KCNMA1: variants seen among roughly 807,000 people sequenced by gnomAD.
The protein encoded by KCNMA1 is Calcium-activated potassium channel subunit alpha-1.
In KCNMA1, 29 loss-of-function variants were observed where a neutral mutation model predicts 140.0. The observed-to-expected ratio is 0.21, with a 90% CI of 0.15 to 0.28. KCNMA1 has a LOEUF of 0.28. Ranked by LOEUF, KCNMA1 falls within the 10% of genes least tolerant of loss-of-function variation. The probability of loss-of-function intolerance (pLI) is 1.00; values close to 1 mark genes in which losing one functional copy is unlikely to be tolerated. For missense variants in KCNMA1, 880 were observed against 1,602.2 expected (o/e 0.55, Z 7.70); for synonymous variants, 612 against 611.9 (o/e 1.00, Z 0.00).
intron 5 of KCNMA1, among the ~76,000 whole-genome samples, chr10:77,142,402 A>G (rs1254269083): frequency 6.6e-6 from 1 of 151,912 alleles, no homozygotes. Context: ...AGAAAAAAAG[A>G]AAACAAAAAA....
At position 77,468,750 on chromosome 10, in the gene KCNMA1, C is replaced by A. The variant is rs545049445; in HGVS notation, c.379-64727G>T. 8.3e-4 allele frequency among the ~76,000 whole-genome samples: 126 copies of A among 152,170 alleles called. 5 individuals carry two copies. In the South Asian group the frequency reaches 9.7e-3, roughly 12 times the overall value. On this transcript the variant is annotated intron_variant, in intron 1 of 27. Coordinates refer to ENST00000286628, the MANE Select transcript of KCNMA1 (RefSeq NM_001161352.2). ...TAGTACTTTGTCACAGCAGGCCTAG[C>A]AAACTAATACAGTGCCTCCCTTTCC...
At chr10:77,066,703 T>A (rs547662169) in intron 14 of KCNMA1, among the ~76,000 whole-genome samples, 9 of 152,334 alleles carry the variant, frequency 5.9e-5, no homozygotes, top group African/African-American at 2.2e-4. Context: ...GTGAGGAATA[T>A]GTGCAGAAGT....
intron 2 of KCNMA1, among the ~76,000 whole-genome samples, chr10:77,361,024 C>G (rs1436609047): frequency 6.6e-6 from 1 of 152,174 alleles, no homozygotes; most frequent in Non-Finnish European, 1.5e-5. Flanking sequence ...GCTTAGTCAT[C>G]AAGACATGGG....
At chr10:77,139,052 G>T (rs899172329) in intron 5 of KCNMA1, among the ~76,000 whole-genome samples, 2 of 152,160 alleles carry the variant, frequency 1.3e-5, no homozygotes, top group South Asian at 4.1e-4. Context: ...TCACTCACTG[G>T]CTCACTACCA....
chr10:77,270,268 G>C (rs1484778845), intron 2 of KCNMA1, among the ~76,000 whole-genome samples: 3 of 152,158 alleles, frequency 2.0e-5, no homozygotes, highest in Non-Finnish European at 4.4e-5. Context: ...TGGGGGTTGT[G>C]TTCATGTATG....
intron 2 of KCNMA1, among the ~76,000 whole-genome samples, chr10:77,328,905 A>G (rs1333459670): frequency 2.6e-5 from 4 of 151,974 alleles, no homozygotes; most frequent in Non-Finnish European, 5.9e-5. Context: ...CAGTGGCATG[A>G]TCTCGGCTCA....
At chr10:77,480,865 T>C (rs1461476116) in intron 1 of KCNMA1, among the ~76,000 whole-genome samples, 2 of 151,758 alleles carry the variant, frequency 1.3e-5, no homozygotes, top group African/African-American at 2.4e-5. Flanking sequence ...ATCCCAGCAC[T>C]TTGGGAGGCG....
At chr10:76,907,237 T>C (rs188280463) in intron 25 of KCNMA1, among the ~76,000 whole-genome samples, 6 of 152,330 alleles carry the variant, frequency 3.9e-5, no homozygotes, top group Admixed American at 3.9e-4. Context: ...AACATTTTTG[T>C]GTGCATTTCA....
chr10:77,117,845 G>A (rs1025525765), intron 6 of KCNMA1, among the ~76,000 whole-genome samples: 11 of 152,168 alleles, frequency 7.2e-5, no homozygotes, highest in Non-Finnish European at 1.6e-4. Context: ...GCCGTTTCAG[G>A]CTATGGAGTA....
intron 1 of KCNMA1, among the ~76,000 whole-genome samples, chr10:77,535,442 G>A (rs1457292914): frequency 1.3e-5 from 2 of 152,230 alleles, no homozygotes; most frequent in Admixed American, 6.5e-5. Context: ...TACACTGTTG[G>A]TGGGAATGTA....
chr10:77,375,133 A>G (rs954659559), intron 2 of KCNMA1, among the ~76,000 whole-genome samples: 2 of 152,188 alleles, frequency 1.3e-5, no homozygotes, highest in Non-Finnish European at 2.9e-5. Context: ...GTCACAGAAA[A>G]GGCATGGAGC....
chr10:77,155,066 G>A (rs758630343), intron 5 of KCNMA1, among the ~76,000 whole-genome samples: 5 of 152,182 alleles, frequency 3.3e-5, no homozygotes, highest in African/African-American at 1.2e-4. Flanking sequence ...AGAAGCCTGG[G>A]GGGTGCAGGA....
intron 2 of KCNMA1, among the ~76,000 whole-genome samples, chr10:77,348,038 T>A (rs2092413818): frequency 6.6e-6 from 1 of 152,194 alleles, no homozygotes. Flanking sequence ...ATTGAAAGGA[T>A]TGGTCAATCC....
chr10:77,351,088 C>T (rs143416954), intron 2 of KCNMA1, among the ~76,000 whole-genome samples: 1 of 152,276 alleles, frequency 6.6e-6, no homozygotes, highest in South Asian at 2.1e-4. Flanking sequence ...TTTCAGGGGA[C>T]TTTATCCAAA....
intron 5 of KCNMA1, among the ~76,000 whole-genome samples, chr10:77,125,027 C>T (rs1287409762): frequency 6.6e-6 from 1 of 152,136 alleles, no homozygotes; most frequent in Non-Finnish European, 1.5e-5. Flanking sequence ...ATAAAACCAT[C>T]AGATTTCGTG....
intron 1 of KCNMA1, among the ~76,000 whole-genome samples, chr10:77,613,847 T>C (rs2088113749): frequency 6.6e-6 from 1 of 152,048 alleles, no homozygotes; most frequent in African/African-American, 2.4e-5. Context: ...AAAAAATGAA[T>C]TTGTCATTTT....
At chr10:77,199,006 C>G (rs1390230207) in intron 3 of KCNMA1, among the ~76,000 whole-genome samples, 1 of 152,142 alleles carries the variant, frequency 6.6e-6, no homozygotes, top group Non-Finnish European at 1.5e-5. Context: ...TCAGTGAGAC[C>G]TTAACATACC....
At chr10:77,271,119 C>T (rs1416867185) in intron 2 of KCNMA1, among the ~76,000 whole-genome samples, 1 of 152,184 alleles carries the variant, frequency 6.6e-6, no homozygotes, top group African/African-American at 2.4e-5. Context: ...ACCAAAACAA[C>T]AAAGTATTGT....
At chr10:77,514,401 A>T (rs1214258583) in intron 1 of KCNMA1, among the ~76,000 whole-genome samples, 1 of 152,212 alleles carries the variant, frequency 6.6e-6, no homozygotes, top group Non-Finnish European at 1.5e-5. Flanking sequence ...GTGTGGTCAC[A>T]GCAAACTGGC....
Sources: allele counts gnomAD v4.1 joint callset (sites outside exome capture counted in the v4.1 genomes callset), GRCh38; gene constraint gnomAD v4.1.1; transcripts MANE v1.5; gene names NCBI Gene and HGNC (gene_info 2026-07-23, HGNC 2026-07-21).